AGBL4: variants seen among roughly 807,000 people sequenced by gnomAD.
AGBL4 encodes the protein AGBL carboxypeptidase 4.
Under a neutral mutation model 66.4 loss-of-function variants are expected in AGBL4, and 58 were observed. The observed-to-expected ratio is 0.87, with a 90% CI of 0.71 to 1.09. The LOEUF (loss-of-function observed/expected upper bound fraction) is 1.09. Among genes scored for constraint, AGBL4 ranks in the 50% least tolerant of loss-of-function variants. The pLI, the probability that AGBL4 is intolerant of heterozygous loss-of-function variation, is 0.00. For missense variants in AGBL4, 579 were observed against 631.0 expected (o/e 0.92, Z 0.88); for synonymous variants, 234 against 222.9 (o/e 1.05, Z -0.44).
intron 3 of AGBL4, among the ~76,000 whole-genome samples, chr1:49,475,374 A>G (rs1646826550): frequency 6.6e-6 from 1 of 151,978 alleles, no homozygotes; most frequent in Non-Finnish European, 1.5e-5. Context: ...TATGTTCATC[A>G]GGGATATTGG....
chr1:48,866,873 T>G (rs1477843467), intron 6 of AGBL4, among the ~76,000 whole-genome samples: 1 of 152,150 alleles, frequency 6.6e-6, no homozygotes, highest in East Asian at 1.9e-4. Flanking sequence ...AACTTATTTC[T>G]CAGGGACTGG....
intron 3 of AGBL4, among the ~76,000 whole-genome samples, chr1:49,550,515 GTATT>G (rs1298738558): frequency 6.6e-6 from 1 of 152,160 alleles, no homozygotes; most frequent in Non-Finnish European, 1.5e-5. Context: ...AATTCTCTCA[GTATT>G]TGTTTGTCTG....
At chr1:49,108,715 A>G (rs1457536335) in intron 4 of AGBL4, among the ~76,000 whole-genome samples, 2 of 152,194 alleles carry the variant, frequency 1.3e-5, no homozygotes, top group Admixed American at 1.3e-4. Context: ...GGGTTATGGC[A>G]TAATTAACAT....
At chr1:48,671,273 G>A (rs767712403) in intron 6 of AGBL4, among the ~76,000 whole-genome samples, 3 of 152,252 alleles carry the variant, frequency 2.0e-5, no homozygotes, top group Non-Finnish European at 4.4e-5. Context: ...GAGGACAAAG[G>A]ACTTTCTTTT....
chr1:49,441,969 T>G (rs1283776594), intron 3 of AGBL4, among the ~76,000 whole-genome samples: 1 of 152,194 alleles, frequency 6.6e-6, no homozygotes, highest in East Asian at 1.9e-4. Flanking sequence ...TGGCAACTGC[T>G]GAGTGCCCAA....
chr1:49,564,574 C>T (rs1644142141), intron 3 of AGBL4, among the ~76,000 whole-genome samples: 1 of 152,176 alleles, frequency 6.6e-6, no homozygotes, highest in South Asian at 2.1e-4. Flanking sequence ...ACCCAGTAGT[C>T]ATTCAGGAGC....
chr1:49,035,364 TTATTAAAA>T (rs1377130781), intron 5 of AGBL4, among the ~76,000 whole-genome samples: 9 of 152,056 alleles, frequency 5.9e-5, no homozygotes, highest in Non-Finnish European at 1.2e-4. Context: ...GAATGAAAGT[TTATTAAAA>T]AGTTTTAGAG....
intron 1 of AGBL4, among the ~76,000 whole-genome samples, chr1:49,941,731 C>A (rs1654777287): frequency 6.6e-6 from 1 of 151,710 alleles, no homozygotes. Context: ...AAGAAATAAA[C>A]CTCAACATAT....
chr1:49,473,902 G>C (rs1646797268), intron 3 of AGBL4, among the ~76,000 whole-genome samples: 1 of 151,964 alleles, frequency 6.6e-6, no homozygotes, highest in Non-Finnish European at 1.5e-5. Context: ...TTTCCCAGTT[G>C]TTTATTTTTG....
At chr1:48,613,837 C>T (rs984781894) in intron 9 of AGBL4, among the ~76,000 whole-genome samples, 7 of 152,294 alleles carry the variant, frequency 4.6e-5, no homozygotes, top group African/African-American at 1.2e-4. Context: ...GTATTCACAG[C>T]GAAAGCTAAC....
chr1:49,809,728 T>C (rs1645056644), intron 2 of AGBL4, among the ~76,000 whole-genome samples: 1 of 151,918 alleles, frequency 6.6e-6, no homozygotes, highest in African/African-American at 2.4e-5. Flanking sequence ...AGCTTCAAAC[T>C]CCCCATGTGT....
chr1:49,077,395 T>A lies in AGBL4; in HGVS notation c.378-31595A>T, dbSNP rs577757448. On this transcript the variant is annotated intron_variant, in intron 4 of 13. Transcript: ENST00000371839. ...ACAATGCGTTCTGTGAGAGTTTGCA[T>A]ATTATCTCTCATTTGAAATCCAATT... 2.0e-5 allele frequency among the ~76,000 whole-genome samples: 3 copies of A among 152,270 alleles called. No homozygotes were observed. In the South Asian group the frequency reaches 6.2e-4, roughly 32 times the overall value.
intron 4 of AGBL4, among the ~76,000 whole-genome samples, chr1:49,096,675 A>T (rs1645110117): frequency 9.0e-6 from 1 of 111,388 alleles, no homozygotes; most frequent in Non-Finnish European, 1.7e-5. Context: ...AACATCACAC[A>T]CTGGGGCCTG....
chr1:49,945,809 T>C (rs1655154928), intron 1 of AGBL4, among the ~76,000 whole-genome samples: 1 of 151,966 alleles, frequency 6.6e-6, no homozygotes, highest in Non-Finnish European at 1.5e-5. Context: ...ATCTGCTGCC[T>C]TCAAGAGACT....
chr1:48,847,949 G>C (rs1401609454), intron 6 of AGBL4, among the ~76,000 whole-genome samples: 4 of 152,058 alleles, frequency 2.6e-5, no homozygotes, highest in Non-Finnish European at 5.9e-5. Context: ...TAGCAGAAGG[G>C]CCACACACCC....
intron 2 of AGBL4, among the ~76,000 whole-genome samples, chr1:49,721,696 T>C (rs533465788): frequency 3.9e-5 from 6 of 152,234 alleles, no homozygotes; most frequent in Admixed American, 2.0e-4. Flanking sequence ...CTTAGCACTA[T>C]ATTGCAAAAG....
At chr1:48,694,055 A>AAG (rs1399894935) in intron 6 of AGBL4, among the ~76,000 whole-genome samples, 37 of 148,784 alleles carry the variant, frequency 2.5e-4, no homozygotes, top group African/African-American at 9.0e-4. Flanking sequence ...ATTCAAAAAA[A>AAG]AAAAAAAAAA....
intron 3 of AGBL4, among the ~76,000 whole-genome samples, chr1:49,674,599 CAT>C (rs1553246662): frequency 6.7e-6 from 1 of 149,050 alleles, no homozygotes; most frequent in Non-Finnish European, 1.5e-5. Flanking sequence ...CACACACACA[CAT>C]ATGTTTAACC....
intron 11 of AGBL4, among the ~76,000 whole-genome samples, chr1:48,573,800 G>GTAA (rs927362007): frequency 1.3e-5 from 2 of 152,032 alleles, no homozygotes; most frequent in African/African-American, 4.8e-5. Flanking sequence ...TACTTGGCTA[G>GTAA]TAATAATAAT....
Sources: allele counts gnomAD v4.1 joint callset (sites outside exome capture counted in the v4.1 genomes callset), GRCh38; gene constraint gnomAD v4.1.1; transcripts MANE v1.5; gene names NCBI Gene and HGNC (gene_info 2026-07-23, HGNC 2026-07-21).